Variants in PAPPA observed in about 807,000 individuals in gnomAD.
The protein encoded by PAPPA is pappalysin-1.
Under a neutral mutation model 164.0 loss-of-function variants are expected in PAPPA, and 60 were observed. The ratio of observed to expected loss-of-function variants is 0.37; its 90% CI spans 0.30 to 0.45. PAPPA has a LOEUF of 0.45. Among genes scored for constraint, PAPPA ranks in the 20% least tolerant of loss-of-function variants. The pLI is 1.00. For missense variants in PAPPA, 1,782 were observed against 2,087.3 expected (o/e 0.85, Z 2.85); for synonymous variants, 875 against 814.1 (o/e 1.07, Z -1.27).
At chr9:116,291,530 C>G (rs1323054279) in intron 9 of PAPPA, among the ~76,000 whole-genome samples, 4 of 152,026 alleles carry the variant, frequency 2.6e-5, no homozygotes, top group Non-Finnish European at 5.9e-5. Flanking sequence ...TTCTAAAACT[C>G]CAAAATAACT....
At chr9:116,192,575 G>C (rs192601271) in intron 2 of PAPPA, among the ~76,000 whole-genome samples, 1 of 152,278 alleles carries the variant, frequency 6.6e-6, no homozygotes, top group East Asian at 1.9e-4. Context: ...TAGTGGGTAA[G>C]ACAGAGAAGT....
intron 13 of PAPPA, among the ~76,000 whole-genome samples, chr9:116,337,394 A>G (rs879411788): frequency 6.6e-6 from 1 of 152,368 alleles, no homozygotes; most frequent in Admixed American, 6.5e-5. Context: ...GCAAACATGC[A>G]AATGCATTAA....
At chr9:116,371,653 G>T (rs771443386) in intron 19 of PAPPA, among the ~76,000 whole-genome samples, 1 of 151,308 alleles carries the variant, frequency 6.6e-6, no homozygotes, top group Non-Finnish European at 1.5e-5. Flanking sequence ...GTGTTGCCCA[G>T]GCTGGTTTTG....
At chr9:116,328,785 C>T (rs1845952546) in intron 10 of PAPPA, among the ~76,000 whole-genome samples, 1 of 152,096 alleles carries the variant, frequency 6.6e-6, no homozygotes, top group South Asian at 2.1e-4. Flanking sequence ...TCCAAGGAAT[C>T]CATGGAAGAC....
chr9:116,265,943 A>G lies in PAPPA; in HGVS notation c.2819A>G (p.Tyr940Cys). 6.2e-7 allele frequency: 1 copy of G among 1,613,002 alleles called. No individual in the cohort carries two copies. The change falls in exon 8 of 22, where the codon TAC becomes TGC. Residue 940 changes from tyrosine to cysteine, a missense_variant. Around this residue, in one of 2 missense-constraint regions of PAPPA, gnomAD observed 1,324 missense variants for 1,656.9 expected, o/e 0.80. Transcript: ENST00000328252. ...AGTGAGCCATCACCTGCTGTCACAT[A>G]CATCCATGGAAGTGGGTACTGTGGC... Reference protein sequence around the residue: ...EESEPSPAVTYIHGSGYCGDG... With the variant: ...EESEPSPAVTCIHGSGYCGDG...
intron 20 of PAPPA, 56 bp from the exon 21 acceptor site, chr9:116,382,339 C>G: frequency 9.4e-7 from 1 of 1,067,832 alleles, no homozygotes; most frequent in South Asian, 1.2e-5. Flanking sequence ...CGTCAGCTCC[C>G]ACTCACTCCA....
At chr9:116,279,162 G>A (rs1046200078) in intron 9 of PAPPA, among the ~76,000 whole-genome samples, 1 of 152,128 alleles carries the variant, frequency 6.6e-6, no homozygotes, top group Non-Finnish European at 1.5e-5. Context: ...TTAAATCCCA[G>A]GTTGTTATTG....
intron 7 of PAPPA, among the ~76,000 whole-genome samples, chr9:116,247,803 C>T (rs1205053559): frequency 6.6e-6 from 1 of 152,068 alleles, no homozygotes; most frequent in Non-Finnish European, 1.5e-5. Context: ...ACCTCAGACA[C>T]CACTTTAGAG....
At chr9:116,278,758 C>T (rs1294528294) in intron 9 of PAPPA, among the ~76,000 whole-genome samples, 1 of 152,042 alleles carries the variant, frequency 6.6e-6, no homozygotes, top group Non-Finnish European at 1.5e-5. Flanking sequence ...GCAATTACTA[C>T]ATGGGTCTTT....
chr9:116,353,766 C>G lies in PAPPA; in HGVS notation c.4320C>G (p.Ile1440Met), dbSNP rs1397028059. ...TCCAGTTCAACAGTGAGTGTAGGAT[C>G]AAGTGTGAAGACAGTGATGCCTCCC... ...NGFQFNSECR[I>M]KCEDSDASQG... Residue 1440 changes from isoleucine to methionine, a missense_variant, in exon 17 of 22, where the codon ATC becomes ATG. By Grantham distance (10) the Ile-to-Met change is conservative (BLOSUM62 1). Around this residue, in one of 2 missense-constraint regions of PAPPA, gnomAD observed 1,324 missense variants for 1,656.9 expected, o/e 0.80. Coordinates refer to ENST00000328252, the MANE Select transcript of PAPPA (RefSeq NM_002581.5). The G allele has an allele frequency of 6.2e-7, 1 of 1,613,728 alleles. No individual in the cohort carries two copies. Among genetic ancestry groups the G allele is most frequent in the Non-Finnish European group, 8.5e-7 (1 of 1,179,868 alleles).
intron 9 of PAPPA, among the ~76,000 whole-genome samples, chr9:116,292,577 G>A (rs1845450373): frequency 6.6e-6 from 1 of 152,128 alleles, no homozygotes; most frequent in Non-Finnish European, 1.5e-5. Context: ...CTAAGGTGGA[G>A]AAAAAGGGAA....
At chr9:116,310,713 A>G (rs546647877) in intron 10 of PAPPA, among the ~76,000 whole-genome samples, 1 of 152,242 alleles carries the variant, frequency 6.6e-6, no homozygotes, top group African/African-American at 2.4e-5. Context: ...AAAAGTCTAG[A>G]CACTCTGGCC....
intron 1 of PAPPA, among the ~76,000 whole-genome samples, chr9:116,178,456 C>G (rs1043308225): frequency 7.2e-5 from 11 of 152,202 alleles, no homozygotes; most frequent in Admixed American, 3.3e-4. Flanking sequence ...GTAGCTACAA[C>G]AATCCCATTC....
intron 20 of PAPPA, 135 bp from the exon 21 acceptor site, chr9:116,382,260 G>A: frequency 1.5e-6 from 1 of 659,250 alleles, no homozygotes; most frequent in Non-Finnish European, 2.8e-6. Flanking sequence ...GGGGTGTTGG[G>A]GATGTGAAGC....
At chr9:116,308,992 C>G (rs1158382635) in intron 10 of PAPPA, among the ~76,000 whole-genome samples, 1 of 152,038 alleles carries the variant, frequency 6.6e-6, no homozygotes, top group African/African-American at 2.4e-5. Context: ...GCTCAATTTA[C>G]AGTTTTGTCA....
chr9:116,154,399 G>A lies in PAPPA; in HGVS notation c.227G>A (p.Arg76Gln). The A allele has an allele frequency of 8.6e-7, 1 of 1,156,950 alleles. No individual in the cohort carries two copies. The highest frequency in any genetic ancestry group is 1.1e-6 in the Non-Finnish European group (1 of 914,710). The allele number at this position is 1,156,950 out of a possible 1,614,324, so 71.7% of individuals were successfully genotyped here. Residue 76 changes from arginine (R) to glutamine (Q), a missense_variant, in exon 1 of 22, where the codon CGG becomes CAG. By Grantham distance (43) the Arg-to-Gln change is conservative (BLOSUM62 1). Transcript: ENST00000328252. This position sits in a 1 kb window ranked among gnomAD's most constrained non-coding sequence, Gnocchi z 5.2. ...GCCTGGGAAGCCGTGCGCGTCCCCCGGCGGCGGCAGCAGCGGGAGGCGAGG... is the reference window on the plus strand; with the variant it reads ...GCCTGGGAAGCCGTGCGCGTCCCCCAGCGGCGGCAGCAGCGGGAGGCGAGG... ...GGAWEAVRVP[R>Q]RRQQREARGA...
chr9:116,243,714 A>G (rs1844762966), intron 7 of PAPPA, among the ~76,000 whole-genome samples: 1 of 152,166 alleles, frequency 6.6e-6, no homozygotes, highest in Admixed American at 6.5e-5. Flanking sequence ...GAGAGGAGAA[A>G]GCAAAATTTT....
At position 116,352,818 on chromosome 9, in the gene PAPPA, C is replaced by A; in HGVS notation, c.4077C>A (p.Thr1359=). The change falls in exon 16 of 22, where the codon ACC becomes ACA. Residue 1359 remains threonine, a synonymous_variant. Transcript: ENST00000328252. ...CTGTGCCCAATGCAGACCTCCAGAC[C>A]GCCCGGTGCCGAGAGAATAAGCACA... ...PPPVPNADLQ[T]ARCRENKHKV... is the part of the protein sequence containing the mutation. The A allele has an allele frequency of 9.3e-6, 15 of 1,613,864 alleles. No homozygotes were observed. The highest frequency in any genetic ancestry group is 1.1e-5 in the Non-Finnish European group (13 of 1,179,894).
chr9:116,373,293 T>C (rs2118670132), intron 19 of PAPPA: 1 of 152,186 alleles, frequency 6.6e-6, no homozygotes, highest in East Asian at 1.9e-4. Context: ...TCAATAAACA[T>C]CGACTATGCA....
Sources: gnomAD v4.1 joint callset for allele counts (sites outside exome capture counted in the v4.1 genomes callset) on GRCh38, gnomAD v4.1.1 for gene constraint, gnomAD v4.1.1 regional missense constraint, Gnocchi (gnomAD v3.1) non-coding constraint, MANE v1.5 for transcripts, NCBI Gene and HGNC (gene_info 2026-07-23, HGNC 2026-07-21) for gene names.